The following MAP2K3 variants were observed in gnomAD, a reference collection of about 807,000 sequenced individuals.
MAP2K3 encodes mitogen-activated protein kinase kinase 3.
In MAP2K3, 30 loss-of-function variants were observed where a neutral mutation model predicts 46.4. The observed-to-expected ratio is 0.65, with a 90% CI of 0.48 to 0.88. The LOEUF is 0.88. Among genes scored for constraint, MAP2K3 ranks in the 40% least tolerant of loss-of-function variants. The pLI is 0.00. For synonymous variants in MAP2K3, 189 were observed against 176.3 expected (o/e 1.07, Z -0.57); for missense variants, 380 against 464.5 (o/e 0.82, Z 1.67).
At chr17:21,305,926 G>T (rs1261228325) in intron 9 of MAP2K3, among the ~76,000 whole-genome samples, 14 of 152,292 alleles carry the variant, frequency 9.2e-5, no homozygotes, top group African/African-American at 2.9e-4. Context: ...CTCCTTCCCT[G>T]CCCAGGGAAG....
intron 6 of MAP2K3, 117 bp downstream of exon 6, chr17:21,302,376 G>A (rs1328929574): frequency 1.8e-5 from 21 of 1,169,930 alleles, no homozygotes; most frequent in Non-Finnish European, 2.6e-5. Context: ...GGGCATCAAT[G>A]TGCCCCCTGA....
intron 3 of MAP2K3, 134 bp downstream of exon 3, chr17:21,299,060 C>A: frequency 7.7e-7 from 1 of 1,292,748 alleles, no homozygotes; most frequent in Non-Finnish European, 1.1e-6. Flanking sequence ...AGAGCCTCGT[C>A]CTGCGCTGCT....
intron 1 of MAP2K3, 102 bp from the exon 2 acceptor site, chr17:21,298,311 G>C: frequency 6.5e-7 from 1 of 1,533,878 alleles, no homozygotes; most frequent in Non-Finnish European, 9.0e-7. Flanking sequence ...GGTGATGGCA[G>C]AGGCTGGCAC....
At chr17:21,287,919 C>A (rs151045599) in intron 1 of MAP2K3, 2 of 754,626 alleles carry the variant, frequency 2.7e-6, no homozygotes, top group African/African-American at 1.8e-5. Context: ...GGCCACCCCC[C>A]CAACCCCTGG....
At chr17:21,297,972 T>A (rs1976354689) in intron 1 of MAP2K3, among the ~76,000 whole-genome samples, 1 of 152,292 alleles carries the variant, frequency 6.6e-6, no homozygotes, top group Non-Finnish European at 1.5e-5. Context: ...TCATCTTGGA[T>A]GCAGTATGAG....
intron 9 of MAP2K3, among the ~76,000 whole-genome samples, chr17:21,309,751 C>A (rs1179606793): frequency 6.6e-6 from 1 of 151,476 alleles, no homozygotes; most frequent in Admixed American, 6.6e-5. Context: ...GTAGCTGGGA[C>A]TACAGGCGTG....
intron 1 of MAP2K3, chr17:21,295,677 C>G: frequency 7.8e-7 from 1 of 1,289,510 alleles, no homozygotes; most frequent in Non-Finnish European, 1.0e-6. Context: ...CCCAACAGGC[C>G]GGTGGATGCA....
intron 9 of MAP2K3, among the ~76,000 whole-genome samples, chr17:21,307,581 T>G (rs1756504629): frequency 6.6e-6 from 1 of 151,430 alleles, no homozygotes. Flanking sequence ...CGAAGAGAAG[T>G]GTCTGGTGGG....
Position 21,300,791 on chromosome 17 carries a change from C to T in MAP2K3, c.280-83C>T, listed in dbSNP as rs1186637883. On this transcript the variant is annotated intron_variant, in intron 4 of 11. Transcript: ENST00000342679. ...TTTTGGGGCACACTGGGCAGTGGCC[C>T]CCTGAGCTCCTGGCCCTCCTGTCAT... is the stretch of plus-strand genomic sequence containing the variant. 7 of 1,611,508 alleles carry T rather than the reference C, an allele frequency of 4.3e-6. No homozygotes were observed. The East Asian group carries it at 1.3e-4, about 31-fold the overall frequency.
At chr17:21,294,066 G>A (rs993719746) in intron 1 of MAP2K3, among the ~76,000 whole-genome samples, 3 of 152,312 alleles carry the variant, frequency 2.0e-5, no homozygotes, top group African/African-American at 7.2e-5. Context: ...CATCCACACC[G>A]TCGAGGTACA....
intron 1 of MAP2K3, among the ~76,000 whole-genome samples, chr17:21,294,785 A>G (rs1380735351): frequency 6.6e-6 from 1 of 152,302 alleles, no homozygotes; most frequent in Admixed American, 6.5e-5. Flanking sequence ...AGGCACTGCT[A>G]TGGCATGACG....
chr17:21,303,072 G>A, intron 6 of MAP2K3, 111 bp from the exon 7 acceptor site: 3 of 1,407,130 alleles, frequency 2.1e-6, no homozygotes, highest in Non-Finnish European at 2.0e-6. Flanking sequence ...AGCCTGTGCA[G>A]CGGGAGCGGG....
chr17:21,292,766 C>T (rs557354383), intron 1 of MAP2K3, among the ~76,000 whole-genome samples: 1,809 of 151,402 alleles, frequency 0.012, no homozygotes, highest in African/African-American at 0.041. Flanking sequence ...GGATTACAGG[C>T]GTGAGCCACC....
chr17:21,291,207 G>T (rs1218385620), intron 1 of MAP2K3, among the ~76,000 whole-genome samples: 1 of 152,278 alleles, frequency 6.6e-6, no homozygotes, highest in Non-Finnish European at 1.5e-5. Context: ...TCGCACCACT[G>T]CACTCCAGCC....
At chr17:21,287,863 A>C (rs1489511240) in intron 1 of MAP2K3, 2 of 387,696 alleles carry the variant, frequency 5.2e-6, no homozygotes, top group Non-Finnish European at 1.0e-5. Context: ...CGATGGTGAC[A>C]CTGAGGTTTC....
chr17:21,287,913 A>G (rs922824283), intron 1 of MAP2K3: 2 of 651,898 alleles, frequency 3.1e-6, no homozygotes, highest in Non-Finnish European at 4.9e-6. Flanking sequence ...TGCTGTGGCC[A>G]CCCCCCCAAC....
At chr17:21,299,243 T>TA (rs1394158613) in intron 3 of MAP2K3, among the ~76,000 whole-genome samples, 6 of 152,306 alleles carry the variant, frequency 3.9e-5, no homozygotes, top group Non-Finnish European at 7.3e-5. Flanking sequence ...TGCAGGCTCC[T>TA]AGGCCGCCCT....
rs913309459 is a variant in MAP2K3 at position 21,288,125 on chromosome 17, G to A, written c.49+3156G>A. On this transcript the variant is annotated intron_variant, in intron 1 of 11. Transcript: ENST00000342679. Reference sequence around the variant, plus strand: ...GCGGGCACTGGGTGCTGACTCACCCGCTGGGCATGCCAGCCGGCTGCCTAC... The same window carrying A: ...GCGGGCACTGGGTGCTGACTCACCCACTGGGCATGCCAGCCGGCTGCCTAC... 1.8e-5 allele frequency: 23 copies of A among 1,282,910 alleles called. No individual in the cohort carries two copies. In the Admixed American group the frequency reaches 3.2e-4, roughly 18 times the overall value. 79.5% of individuals were successfully genotyped at this position (1,282,910 alleles called of 1,614,324 possible).
intron 3 of MAP2K3, among the ~76,000 whole-genome samples, chr17:21,299,976 C>CT (rs752773195): frequency 2.6e-4 from 39 of 152,290 alleles, no homozygotes; most frequent in Non-Finnish European, 5.1e-4. Flanking sequence ...GAGTGACACT[C>CT]TGTCTAAAAA....
Sources: allele counts gnomAD v4.1 joint callset (sites outside exome capture counted in the v4.1 genomes callset), GRCh38; gene constraint gnomAD v4.1.1; transcripts MANE v1.5; gene names NCBI Gene and HGNC (gene_info 2026-07-23, HGNC 2026-07-21).